The following CHMP5 variants were observed in gnomAD, a reference collection of about 807,000 sequenced individuals.
CHMP5 encodes charged multivesicular body protein 5, also known as SNF7 domain containing 2.
CHMP5 carries 17 observed loss-of-function variants against 33.0 expected under a neutral mutation model. The ratio of observed to expected loss-of-function variants is 0.52; its 90% CI spans 0.35 to 0.77. The LOEUF (loss-of-function observed/expected upper bound fraction) is 0.77. Ranked by LOEUF, CHMP5 falls within the 30% of genes least tolerant of loss-of-function variation. CHMP5 has a pLI of 0.01. For synonymous variants in CHMP5, 76 were observed against 90.2 expected (o/e 0.84, Z 0.89); for missense variants, 216 against 261.5 (o/e 0.83, Z 1.20).
In CHMP5 at chr9:33,276,474, G is replaced by A. The variant is rs1193046940; in HGVS notation, c.406G>A (p.Glu136Lys). Residue 136 changes from glutamate (E) to lysine (K), a missense_variant, in exon 6 of 8, where the codon GAG becomes AAG. Physicochemically the swap from Glu to Lys is moderately conservative, Grantham distance 56. Transcript: ENST00000223500. The stretch of plus-strand genomic sequence containing the variant: ...TCCGTAGGATTTACAAGACCAGCTA[G>A]AGGATATGATGGAAGATGCAAATGA... ...DQIEDLQDQL[E>K]DMMEDANEIQ... 2 of 1,604,200 alleles carry A rather than the reference G, an allele frequency of 1.2e-6. No homozygotes were observed.
intron 5 of CHMP5, among the ~76,000 whole-genome samples, chr9:33,275,908 C>T (rs2118041052): frequency 6.6e-6 from 1 of 152,230 alleles, no homozygotes; most frequent in Middle Eastern, 3.4e-3. Flanking sequence ...TATTTGGAGG[C>T]TGAGGCAGGA....
At chr9:33,271,319 G>C in intron 5 of CHMP5, 96 bp downstream of exon 5, 1 of 971,958 alleles carries the variant, frequency 1.0e-6, no homozygotes, top group Non-Finnish European at 1.6e-6. Context: ...GAGAGGAACT[G>C]AATCTTGGGG....
intron 7 of CHMP5, among the ~76,000 whole-genome samples, chr9:33,279,304 C>A (rs939821997): frequency 6.6e-5 from 10 of 152,220 alleles, no homozygotes; most frequent in East Asian, 1.9e-4. Context: ...GTTTTTCCTA[C>A]CTGTAAAATG....
At chr9:33,267,742 C>T in intron 2 of CHMP5, 111 bp from the exon 3 acceptor site, 1 of 710,524 alleles carries the variant, frequency 1.4e-6, no homozygotes, top group Non-Finnish European at 2.5e-6. Context: ...ATTATGCCTA[C>T]TACTTTGAAG....
At chr9:33,267,754 A>C in intron 2 of CHMP5, 99 bp from the exon 3 acceptor site, 1 of 753,478 alleles carries the variant, frequency 1.3e-6, no homozygotes, top group South Asian at 1.5e-5. Context: ...ACTTTGAAGA[A>C]GAGAGGAAGT....
At chr9:33,265,257 C>T (rs1820696582) in intron 1 of CHMP5, 110 bp downstream of exon 1, 1 of 1,016,816 alleles carries the variant, frequency 9.8e-7, no homozygotes, top group Non-Finnish European at 1.5e-6. Flanking sequence ...TCCTGGGCCC[C>T]TTACACGTCG....
intron 3 of CHMP5, 100 bp from the exon 4 acceptor site, chr9:33,270,520 CGTT>C (rs1451576231): frequency 2.8e-5 from 26 of 943,022 alleles, no homozygotes; most frequent in South Asian, 1.1e-4. Context: ...TTTTTTGTTC[CGTT>C]GTTTTTTTTT....
At chr9:33,266,659 T>G (rs143889466) in intron 2 of CHMP5, among the ~76,000 whole-genome samples, 1 of 152,272 alleles carries the variant, frequency 6.6e-6, no homozygotes, top group Non-Finnish European at 1.5e-5. Context: ...TCTAAAAGCA[T>G]GTACATGAGA....
At chr9:33,270,546 T>G in intron 3 of CHMP5, 77 bp from the exon 4 acceptor site, 1 of 1,130,602 alleles carries the variant, frequency 8.8e-7, no homozygotes, top group Non-Finnish European at 1.3e-6. Flanking sequence ...AATACTCTTA[T>G]TTAGTGTGGG....
Position 33,267,866 on chromosome 9 carries a change from A to G in CHMP5, c.188A>G (p.Gln63Arg), listed in dbSNP as rs1281207450. The change falls in exon 3 of 8, where the codon CAG (glutamine) becomes CGG (arginine). Residue 63 changes from glutamine to arginine, a missense_variant. Transcript: ENST00000223500. The stretch of plus-strand genomic sequence containing the variant: ...TTTTCTCTCCAGAATATGGTCAAGC[A>G]GAAAGCCTTGCGAGTTTTAAAGCAA... ...REGPAKNMVK[Q>R]KALRVLKQKR... 18 of 1,611,180 alleles carry G rather than the reference A, an allele frequency of 1.1e-5. No individual in the cohort carries two copies. Among genetic ancestry groups the G allele is most frequent in the Non-Finnish European group, 1.4e-5 (17 of 1,177,518 alleles).
chr9:33,275,182 A>C (rs1587799475), intron 5 of CHMP5, among the ~76,000 whole-genome samples: 1 of 152,220 alleles, frequency 6.6e-6, no homozygotes, highest in Non-Finnish European at 1.5e-5. Flanking sequence ...GATCGAAAAT[A>C]TAGTGTTTGC....
rs6476407 is a variant in CHMP5, at chr9:33,265,188, A to T, written c.69+41A>T. ...TGCATAAGTAGGCTCAGGACCTCTG[A>T]CACACCCGACCCCGCCCACCCCCAG... is the stretch of plus-strand genomic sequence containing the variant. On this transcript the variant is annotated intron_variant, in intron 1 of 7. Transcript: ENST00000223500. The T allele has an allele frequency of 2.2e-3, 3,499 of 1,595,546 alleles. 72 individuals are homozygous for T. The African/African-American group carries it at 0.042, about 19-fold the overall frequency.
At chr9:33,265,250 T>C (rs1587794998) in intron 1 of CHMP5, 103 bp downstream of exon 1, 1 of 1,103,278 alleles carries the variant, frequency 9.1e-7, no homozygotes, top group Non-Finnish European at 1.3e-6. Flanking sequence ...TTTCGGGTCC[T>C]GGGCCCCTTA....
rs528508441 is a variant in CHMP5 at position 33,278,928 on chromosome 9, TTG to T, written c.609+705_609+706del. Among the ~76,000 whole-genome samples, 5 of 152,222 alleles carry T rather than the reference TTG, an allele frequency of 3.3e-5. No individual in the cohort carries two copies. In the South Asian group the frequency reaches 1.0e-3, roughly 32 times the overall value. ...TAAAGCTCTGTCCAAATCTACATGA[TTG>T]TCTTTTTTTTTGAGACAGAGACTCA... On this transcript the variant is annotated intron_variant, in intron 7 of 7. Coordinates refer to ENST00000223500, the MANE Select transcript of CHMP5 (RefSeq NM_016410.6).
intron 2 of CHMP5, 38 bp downstream of exon 2, chr9:33,266,152 G>T: frequency 7.0e-7 from 1 of 1,433,260 alleles, no homozygotes; most frequent in Non-Finnish European, 9.8e-7. Flanking sequence ...GGTGCTGGCA[G>T]AGCCTAGTTT....
intron 5 of CHMP5, among the ~76,000 whole-genome samples, chr9:33,274,180 A>G (rs1007951361): frequency 6.6e-6 from 1 of 151,970 alleles, no homozygotes; most frequent in Non-Finnish European, 1.5e-5. Context: ...GGCTCAAGCC[A>G]TCCTTCTACT....
intron 7 of CHMP5, among the ~76,000 whole-genome samples, chr9:33,280,065 CCCCCGG>C (rs1820903718): frequency 6.6e-6 from 1 of 151,918 alleles, no homozygotes. Context: ...GCAACCTCCA[CCCCCGG>C]ATTCAAGCAA....
At chr9:33,279,093 T>G (rs959144407) in intron 7 of CHMP5, among the ~76,000 whole-genome samples, 4 of 152,102 alleles carry the variant, frequency 2.6e-5, no homozygotes, top group Admixed American at 2.0e-4. Flanking sequence ...CCTGGCTAAT[T>G]TTTGTATTTT....
At chr9:33,277,126 G>C (rs1292585216) in intron 6 of CHMP5, among the ~76,000 whole-genome samples, 1 of 149,446 alleles carries the variant, frequency 6.7e-6, no homozygotes, top group Non-Finnish European at 1.5e-5. Flanking sequence ...ATCCCAGGAG[G>C]TAGAGGTTCC....
Sources: allele counts gnomAD v4.1 joint callset (sites outside exome capture counted in the v4.1 genomes callset), GRCh38; gene constraint gnomAD v4.1.1; transcripts MANE v1.5; gene names NCBI Gene and HGNC (gene_info 2026-07-23, HGNC 2026-07-21).